The following DOCK2 variants were observed in gnomAD, a reference collection of about 807,000 sequenced individuals.
The protein encoded by DOCK2 is dedicator of cytokinesis 2, also known as dedicator of cytokinesis protein 2.
In DOCK2, 87 loss-of-function variants were observed where a neutral mutation model predicts 248.9. The ratio of observed to expected loss-of-function variants is 0.35; its 90% CI spans 0.29 to 0.42. The LOEUF is 0.42. Among genes scored for constraint, DOCK2 ranks in the 10% least tolerant of loss-of-function variants. The pLI is 1.00. For synonymous variants in DOCK2, 805 were observed against 821.6 expected (o/e 0.98, Z 0.35); for missense variants, 1,747 against 2,300.2 (o/e 0.76, Z 4.92).
chr5:169,704,775 G>A (rs1463951073), intron 14 of DOCK2, among the ~76,000 whole-genome samples: 2 of 116,468 alleles, frequency 1.7e-5, no homozygotes, highest in East Asian at 2.9e-4. Flanking sequence ...GTGTGTGTGT[G>A]TGTGTGTGTG....
intron 27 of DOCK2, among the ~76,000 whole-genome samples, chr5:169,946,047 G>C (rs1776435244): frequency 6.6e-6 from 1 of 152,156 alleles, no homozygotes; most frequent in Non-Finnish European, 1.5e-5. Context: ...CATCAGCTGA[G>C]CAAAGCTCCT....
At chr5:169,966,160 T>C (rs1386980420) in intron 27 of DOCK2, among the ~76,000 whole-genome samples, 1 of 152,192 alleles carries the variant, frequency 6.6e-6, no homozygotes, top group Non-Finnish European at 1.5e-5. Flanking sequence ...CCCATTATGG[T>C]AGGAGCATAA....
intron 36 of DOCK2, 74 bp from the exon 37 acceptor site, chr5:170,040,981 G>A (rs1756494572): frequency 2.2e-6 from 3 of 1,350,824 alleles, no homozygotes; most frequent in Admixed American, 3.4e-5. Flanking sequence ...TGTTCTCTGG[G>A]CTCCTGCTTG....
intron 27 of DOCK2, among the ~76,000 whole-genome samples, chr5:169,880,208 C>T (rs1772559022): frequency 2.0e-5 from 3 of 152,178 alleles, no homozygotes; most frequent in Admixed American, 6.5e-5. Flanking sequence ...TGTGAGCAGT[C>T]CTGACGCTTC....
chr5:169,792,643 C>T (rs1766415038), intron 25 of DOCK2, among the ~76,000 whole-genome samples: 1 of 152,062 alleles, frequency 6.6e-6, no homozygotes, highest in African/African-American at 2.4e-5. Flanking sequence ...TCAAGATTAT[C>T]CAGTACAGAG....
intron 26 of DOCK2, among the ~76,000 whole-genome samples, chr5:169,825,971 T>G (rs751980354): frequency 1.3e-5 from 2 of 152,080 alleles, no homozygotes; most frequent in Admixed American, 6.5e-5. Context: ...TGCCAGCGTC[T>G]TTGTTTTTTG....
At chr5:169,746,617 C>G (rs1763628323) in intron 22 of DOCK2, among the ~76,000 whole-genome samples, 1 of 152,084 alleles carries the variant, frequency 6.6e-6, no homozygotes, top group African/African-American at 2.4e-5. Flanking sequence ...TTTGGAGAAG[C>G]CTTGAGCAGA....
chr5:169,807,346 A>G (rs946028018), intron 26 of DOCK2, among the ~76,000 whole-genome samples: 1 of 152,220 alleles, frequency 6.6e-6, no homozygotes, highest in Non-Finnish European at 1.5e-5. Context: ...CCTGGCGTCC[A>G]GTAACTTATT....
At chr5:169,860,681 G>A (rs1038900074) in intron 27 of DOCK2, among the ~76,000 whole-genome samples, 1 of 152,166 alleles carries the variant, frequency 6.6e-6, no homozygotes, top group Non-Finnish European at 1.5e-5. Context: ...CGTGGAGAAG[G>A]CAGGAAAAGG....
intron 25 of DOCK2, among the ~76,000 whole-genome samples, chr5:169,765,070 G>GCACACACA (rs142755026): frequency 0.039 from 5,739 of 146,500 alleles, 104 homozygotes; most frequent in East Asian, 0.055. Context: ...CTCTTTTAGC[G>GCACACACA]CACACACACA....
At chr5:169,702,473 GCCTCTGCTTGTAAAGACGTACTTTT>G (rs1761032153) in intron 14 of DOCK2, 46 bp downstream of exon 14, 1 of 1,606,214 alleles carries the variant, frequency 6.2e-7, no homozygotes, top group Non-Finnish European at 8.5e-7. Context: ...CGCCTTGGGG[GCCTCTGCTTGTAAAGACGTACTTTT>G]CCTCTCCCTG....
At chr5:170,010,338 A>T (rs1203970537) in intron 32 of DOCK2, among the ~76,000 whole-genome samples, 2 of 152,148 alleles carry the variant, frequency 1.3e-5, no homozygotes, top group African/African-American at 4.8e-5. Flanking sequence ...ACTCTGGGTA[A>T]GGACTGGGAT....
intron 10 of DOCK2, among the ~76,000 whole-genome samples, chr5:169,696,873 A>T (rs1461864470): frequency 6.7e-6 from 1 of 150,240 alleles, no homozygotes; most frequent in East Asian, 2.0e-4. Flanking sequence ...CCAGCCAGTG[A>T]TATTGGGCAA....
chr5:169,963,604 G>A (rs909381473), intron 27 of DOCK2, among the ~76,000 whole-genome samples: 2 of 152,048 alleles, frequency 1.3e-5, no homozygotes, highest in East Asian at 1.9e-4. Flanking sequence ...GTTCCCCTCC[G>A]GTGCACATCA....
chr5:169,747,120 A>G (rs1459269501), intron 22 of DOCK2, among the ~76,000 whole-genome samples: 1 of 152,160 alleles, frequency 6.6e-6, no homozygotes, highest in Non-Finnish European at 1.5e-5. Flanking sequence ...CTCAGCTCAG[A>G]CAAATTTCCT....
intron 27 of DOCK2, among the ~76,000 whole-genome samples, chr5:169,882,171 T>C (rs1772692631): frequency 6.6e-6 from 1 of 152,186 alleles, no homozygotes; most frequent in Admixed American, 6.5e-5. Context: ...AGAAATACTG[T>C]ACAAATGCAG....
chr5:169,839,279 A>G (rs576084247), intron 26 of DOCK2, among the ~76,000 whole-genome samples: 4 of 152,282 alleles, frequency 2.6e-5, no homozygotes, highest in Admixed American at 2.6e-4. Context: ...AGACTACAAA[A>G]TCTCCAGCAG....
At chr5:169,893,379 A>G (rs1343546476) in intron 27 of DOCK2, among the ~76,000 whole-genome samples, 1 of 151,528 alleles carries the variant, frequency 6.6e-6, no homozygotes, top group Non-Finnish European at 1.5e-5. Context: ...GCTTAATATT[A>G]TCTCTGTATT....
At chr5:169,699,938 G>A in intron 12 of DOCK2, 76 bp from the exon 13 acceptor site, 7 of 1,585,418 alleles carry the variant, frequency 4.4e-6, no homozygotes, top group Non-Finnish European at 6.0e-6. Context: ...AAAGACAGAG[G>A]GGAGAGGTGG....
Sources: allele counts gnomAD v4.1 joint callset (sites outside exome capture counted in the v4.1 genomes callset), GRCh38; gene constraint gnomAD v4.1.1; transcripts MANE v1.5; gene names NCBI Gene and HGNC (gene_info 2026-07-23, HGNC 2026-07-21).